The following SGSM1 variants were observed in gnomAD, a reference collection of about 807,000 sequenced individuals.
SGSM1 encodes the protein small G protein signaling modulator 1, also known as RUN and TBC1 domain containing 2.
SGSM1 carries 73 observed loss-of-function variants against 133.8 expected under a neutral mutation model. The observed-to-expected ratio is 0.55, with a 90% confidence interval of 0.45 to 0.66. SGSM1 has a LOEUF of 0.66. Among genes scored for constraint, SGSM1 ranks in the 30% least tolerant of loss-of-function variants. SGSM1 has a pLI of 0.00. For missense variants in SGSM1, 1,213 were observed against 1,448.1 expected (o/e 0.84, Z 2.64); for synonymous variants, 563 against 573.0 (o/e 0.98, Z 0.25).
intron 2 of SGSM1, among the ~76,000 whole-genome samples, chr22:24,823,587 C>T (rs1345115530): frequency 1.3e-5 from 2 of 148,450 alleles, no homozygotes; most frequent in Non-Finnish European, 3.0e-5. Context: ...GGCAACAGAG[C>T]GAGACTCCAT....
chr22:24,859,715 G>A lies in SGSM1; in HGVS notation c.802-1G>A, dbSNP rs764645555. 1 of 1,613,782 alleles carries A rather than the reference G, an allele frequency of 6.2e-7. No homozygotes were observed. Among genetic ancestry groups the A allele is most frequent in the Non-Finnish European group, 8.5e-7 (1 of 1,179,862 alleles). The stretch of plus-strand genomic sequence containing the variant: ...AGACCTGAGTCCTCCTCTCTCTGCA[G>A]AGGGACGACATGGAGGCTGTGCCAG... On this transcript the variant is annotated splice_acceptor_variant, in intron 8 of 24. Transcript: ENST00000400358. LOFTEE classifies it high-confidence loss of function.
chr22:24,847,543 A>G (rs1439425155), intron 3 of SGSM1, 91 bp from the exon 4 acceptor site: 2 of 1,479,594 alleles, frequency 1.4e-6, no homozygotes, highest in East Asian at 2.4e-5. Flanking sequence ...AGGGCTCTCC[A>G]AGGTTCCAGT....
At chr22:24,877,893 C>G (rs1406912029) in intron 13 of SGSM1, among the ~76,000 whole-genome samples, 2 of 144,840 alleles carry the variant, frequency 1.4e-5, no homozygotes, top group African/African-American at 5.1e-5. Flanking sequence ...TCACTTCAAC[C>G]TCCGCCTCCC....
At chr22:24,891,187 C>T (rs1932808538) in intron 16 of SGSM1, among the ~76,000 whole-genome samples, 1 of 152,124 alleles carries the variant, frequency 6.6e-6, no homozygotes, top group Non-Finnish European at 1.5e-5. Context: ...AGCGTGACCC[C>T]CATCTCTACA....
At position 24,818,231 on chromosome 22, in the gene SGSM1, C is replaced by A. The variant is rs1439911409; in HGVS notation, c.63+11747C>A. On this transcript the variant is annotated intron_variant, in intron 2 of 24. Coordinates refer to ENST00000400358, the MANE Select transcript of SGSM1 (RefSeq NM_001098497.3). ...TGGGCAACAGAGCAAGACTCTGTCT[C>A]AAAAAAAAAAAAAATAAAATAAAAT... Among the ~76,000 whole-genome samples the A allele has an allele frequency of 3.5e-5, 5 of 144,096 alleles. No homozygotes were observed. In the South Asian group the frequency reaches 6.5e-4, roughly 19 times the overall value. 94.5% of individuals were successfully genotyped at this position (144,096 alleles called of 152,430 possible). A position where few individuals can be genotyped will look rare whatever the true frequency, so the allele number is the denominator to read the frequency against.
chr22:24,808,449 A>C (rs1459918609), intron 2 of SGSM1, among the ~76,000 whole-genome samples: 2 of 152,098 alleles, frequency 1.3e-5, no homozygotes, highest in African/African-American at 4.8e-5. Context: ...CAGACCAACA[A>C]CATCCTTGTC....
Position 24,806,269 on chromosome 22 carries a change from C to A in SGSM1, c.-57C>A. The A allele has an allele frequency of 7.2e-7, 1 of 1,397,068 alleles. No homozygotes were observed. Among genetic ancestry groups the A allele is most frequent in the South Asian group, 1.6e-5 (1 of 62,198 alleles). The allele number at this position is 1,397,068 out of a possible 1,614,324, so 86.5% of individuals were successfully genotyped here. A position where few individuals can be genotyped will look rare whatever the true frequency, so the allele number is the denominator to read the frequency against. On this transcript the variant is annotated 5_prime_UTR_variant, in exon 1 of 25. Coordinates refer to ENST00000400358, the MANE Select transcript of SGSM1 (RefSeq NM_001098497.3). ...AGCAGCAGCGCCGCGGCCGGAGGAG[C>A]TACCGCCGCCACCGCCGCCACCGCC...
chr22:24,923,751 T>A lies in SGSM1; in HGVS notation c.3194-435T>A, dbSNP rs993394520. On this transcript the variant is annotated intron_variant, in intron 24 of 24. Coordinates refer to ENST00000400358, the MANE Select transcript of SGSM1 (RefSeq NM_001098497.3). ...GATTCTTCTGCCTCAGCCTCCTGAG[T>A]AGCTGGGATTACAGGCATGCGCCAC... is the stretch of plus-strand genomic sequence containing the variant. Among the ~76,000 whole-genome samples the A allele has an allele frequency of 3.3e-5, 5 of 152,126 alleles. 1 individual carries two copies. The highest frequency in any genetic ancestry group is 7.2e-5 in the African/African-American group (3 of 41,422).
At chr22:24,842,457 T>A (rs1211137389) in intron 2 of SGSM1, among the ~76,000 whole-genome samples, 2 of 152,216 alleles carry the variant, frequency 1.3e-5, no homozygotes, top group Admixed American at 6.5e-5. Flanking sequence ...TAAAATACTC[T>A]ACCAAAGCCT....
intron 14 of SGSM1, among the ~76,000 whole-genome samples, chr22:24,880,092 A>G (rs1259260709): frequency 6.6e-6 from 1 of 152,132 alleles, no homozygotes; most frequent in Non-Finnish European, 1.5e-5. Flanking sequence ...CTGAGACTCA[A>G]ACCTTGGCAT....
At chr22:24,894,829 G>T (rs921512393) in intron 17 of SGSM1, among the ~76,000 whole-genome samples, 1 of 152,098 alleles carries the variant, frequency 6.6e-6, no homozygotes, top group African/African-American at 2.4e-5. Flanking sequence ...GTCAGAGTAG[G>T]CAAGGACTAT....
intron 15 of SGSM1, among the ~76,000 whole-genome samples, chr22:24,886,081 A>G (rs1932579534): frequency 1.3e-5 from 2 of 152,144 alleles, no homozygotes; most frequent in Admixed American, 1.3e-4. Context: ...ATTGGTGAGA[A>G]GTTAGCTCAG....
At chr22:24,837,585 C>CT (rs1555922711) in intron 2 of SGSM1, among the ~76,000 whole-genome samples, 3 of 58,670 alleles carry the variant, frequency 5.1e-5, no homozygotes, top group South Asian at 3.9e-4. Context: ...GAGACCCCCC[C>CT]CCCCCCTTTC....
intron 21 of SGSM1, among the ~76,000 whole-genome samples, chr22:24,909,270 C>T (rs192406873): frequency 1.2e-4 from 19 of 152,194 alleles, no homozygotes; most frequent in Admixed American, 1.0e-3. Context: ...TGCTGTTCTA[C>T]ATCGTTACTC....
At chr22:24,864,306 G>C (rs1931327934) in intron 9 of SGSM1, among the ~76,000 whole-genome samples, 1 of 152,098 alleles carries the variant, frequency 6.6e-6, no homozygotes, top group Non-Finnish European at 1.5e-5. Flanking sequence ...CAGCAATTCT[G>C]CTCATAGGGA....
intron 5 of SGSM1, among the ~76,000 whole-genome samples, chr22:24,854,060 T>C (rs948797299): frequency 2.0e-5 from 3 of 152,220 alleles, no homozygotes; most frequent in South Asian, 4.1e-4. Context: ...ATGATTCAAT[T>C]ACCTCCCCCT....
At chr22:24,885,937 A>C (rs1434843252) in intron 15 of SGSM1, among the ~76,000 whole-genome samples, 1 of 152,230 alleles carries the variant, frequency 6.6e-6, no homozygotes, top group Non-Finnish European at 1.5e-5. Flanking sequence ...AAGAAGCAGG[A>C]CTGCTGGACC....
intron 2 of SGSM1, among the ~76,000 whole-genome samples, chr22:24,810,401 C>T (rs192791524): frequency 1.1e-4 from 17 of 151,732 alleles, no homozygotes; most frequent in Non-Finnish European, 4.4e-5. Context: ...AAGGTGGCCT[C>T]AGCGTGATTT....
chr22:24,912,827 G>A (rs1225819768), intron 22 of SGSM1, 75 bp downstream of exon 22: 1 of 939,946 alleles, frequency 1.1e-6, no homozygotes, highest in Non-Finnish European at 1.7e-6. Context: ...TCCAGACTGA[G>A]CTATTTAGAG....
Sources: gnomAD v4.1 joint callset for allele counts (sites outside exome capture counted in the v4.1 genomes callset) on GRCh38, gnomAD v4.1.1 for gene constraint, MANE v1.5 for transcripts, NCBI Gene and HGNC (gene_info 2026-07-23, HGNC 2026-07-21) for gene names.